Variants in ETV1 observed in about 807,000 individuals in gnomAD.
ETV1 encodes the protein ETS variant transcription factor 1, also known as ETS translocation variant 1.
Under a neutral mutation model 62.3 loss-of-function variants are expected in ETV1, and 27 were observed. That is an observed-to-expected ratio of 0.43 (90% confidence interval 0.32 to 0.60). The LOEUF is 0.60. Ranked by LOEUF, ETV1 falls within the 20% of genes least tolerant of loss-of-function variation. The pLI, the probability that ETV1 is intolerant of heterozygous loss-of-function variation, is 0.06. For missense variants in ETV1, 605 were observed against 605.8 expected, an observed-to-expected ratio of 1.00 and a Z score of 0.01; for synonymous variants, 222 against 199.6, an observed-to-expected ratio of 1.11 and a Z score of -0.94.
chr7:13,904,732 A>G (rs530884245), intron 12 of ETV1, among the ~76,000 whole-genome samples: 16 of 152,000 alleles, frequency 1.1e-4, no homozygotes, highest in African/African-American at 3.9e-4. Context: ...CAACTCTTGC[A>G]GTGATTATTA....
intron 6 of ETV1, among the ~76,000 whole-genome samples, chr7:13,946,377 G>T (rs1221792714): frequency 6.6e-6 from 1 of 152,126 alleles, no homozygotes; most frequent in South Asian, 2.1e-4. Context: ...GCTGACTAAT[G>T]ATCACTTGAG....
In ETV1 at chr7:13,931,599, C is replaced by T; in HGVS notation, c.705G>A (p.Val235=). ...TGCCAACCATGGTGTTGTGTTCATA[C>T]ACTGGGTCGTGGTACTCCTGCTTAA... The part of the protein sequence containing the change: ...QGFKQEYHDP[V]YEHNTMVGSA... The change falls in exon 9 of 14, where the codon GTG becomes GTA. Residue 235 remains valine, a synonymous_variant. Coordinates refer to ENST00000430479, the MANE Select transcript of ETV1 (RefSeq NM_004956.5). 3 of 1,614,070 alleles carry T rather than the reference C, an allele frequency of 1.9e-6. No homozygotes were observed. The highest frequency in any genetic ancestry group is 2.5e-6 in the Non-Finnish European group (3 of 1,179,906).
chr7:13,982,667 G>C lies in ETV1; in HGVS notation c.181+3971C>G, dbSNP rs75970945. On this transcript the variant is annotated intron_variant, in intron 5 of 13. Coordinates refer to ENST00000430479, the MANE Select transcript of ETV1 (RefSeq NM_004956.5). ...AAATTATTGTTGTTCAATTATAAGA[G>C]ATTATATGGAGTTCTGTAATTCAAT... Among the ~76,000 whole-genome samples, 560 of 152,042 alleles carry C rather than the reference G, an allele frequency of 3.7e-3. 2 individuals carry two copies. The highest frequency in any genetic ancestry group is 0.012 in the African/African-American group (514 of 41,524).
intron 12 of ETV1, among the ~76,000 whole-genome samples, chr7:13,902,197 A>C (rs892422497): frequency 6.6e-6 from 1 of 152,128 alleles, no homozygotes; most frequent in African/African-American, 2.4e-5. Context: ...TATGTCATAT[A>C]TACTAAAATA....
Position 13,939,237 on chromosome 7 carries a change from T to C in ETV1, c.245A>G (p.His82Arg). 1 of 1,603,350 alleles carries C rather than the reference T, an allele frequency of 6.2e-7. No homozygotes were observed. Among genetic ancestry groups the C allele is most frequent in the Non-Finnish European group, 8.5e-7 (1 of 1,177,580 alleles). The stretch of plus-strand genomic sequence containing the variant: ...TTTCTTGATTTTCAGTGGCAGGCCA[T>C]GAAAAGCCACTAGAAAAAAGAACAA... Reference protein sequence around the residue: ...PDYQAESLAFHGLPLKIKKEP... With the variant: ...PDYQAESLAFRGLPLKIKKEP... Residue 82 changes from histidine (H) to arginine (R), a missense_variant, in exon 7 of 14, where the codon CAT becomes CGT. His to Arg is a conservative substitution (Grantham distance 29). Coordinates refer to ENST00000430479, the MANE Select transcript of ETV1 (RefSeq NM_004956.5).
intron 6 of ETV1, among the ~76,000 whole-genome samples, chr7:13,973,628 A>G (rs1781116982): frequency 6.6e-6 from 1 of 151,538 alleles, no homozygotes; most frequent in South Asian, 2.1e-4. Flanking sequence ...AAAACCTGAA[A>G]TAACATATCC....
chr7:13,906,422 A>G lies in ETV1; in HGVS notation c.1110+8T>C. The G allele has an allele frequency of 6.4e-7, 1 of 1,559,028 alleles. No individual in the cohort carries two copies. Among genetic ancestry groups the G allele is most frequent in the Non-Finnish European group, 8.7e-7 (1 of 1,154,960 alleles). ...CTGAGTGTCCTAATTAAAATCTATT[A>G]AACTAACCTCTTCAGGCTCAATCAG... On this transcript the variant is annotated splice_region_variant and intron_variant, in intron 12 of 13. Transcript: ENST00000430479.
In ETV1 at chr7:13,894,216, T is replaced by C. The variant is rs1168352301; in HGVS notation, c.*1650A>G. On this transcript the variant is annotated 3_prime_UTR_variant, in exon 14 of 14. Coordinates refer to ENST00000430479, the MANE Select transcript of ETV1 (RefSeq NM_004956.5). ...AAAAAAGTTGTTCTTCTGGATATTATTGATAGATGGAACAAAATTCATGTC... is the reference window on the plus strand; with the variant it reads ...AAAAAAGTTGTTCTTCTGGATATTACTGATAGATGGAACAAAATTCATGTC... The C allele has an allele frequency of 3.4e-5, 8 of 232,682 alleles. No individual in the cohort carries two copies. The highest frequency in any genetic ancestry group is 1.8e-4 in the South Asian group (1 of 5,518). 14.4% of individuals were successfully genotyped at this position (232,682 alleles called of 1,614,324 possible).
At chr7:13,977,039 A>G (rs11766860) in intron 6 of ETV1, among the ~76,000 whole-genome samples, 9,771 of 152,174 alleles carry the variant, frequency 0.064, 507 homozygotes, top group East Asian at 0.16. Flanking sequence ...GTAGTTTTTA[A>G]CTCTACCTCC....
Position 13,909,656 on chromosome 7 carries a change from A to C in ETV1, c.916T>G (p.Cys306Gly). ...CCATCGAATTTTTCTGGGACAACACAGGTGTCATCATAAAACTGCCTGGGG... is the reference window on the plus strand; with the variant it reads ...CCATCGAATTTTTCTGGGACAACACCGGTGTCATCATAAAACTGCCTGGGG... ...KGPRQFYDDT[C>G]VVPEKFDGDI... The change falls in exon 11 of 14, where the codon TGT becomes GGT. Residue 306 changes from cysteine (C) to glycine (G), a missense_variant. By Grantham distance (159) the Cys-to-Gly change is radical. This residue lies in a region of ETV1 where 100 missense variants were observed against 156.4 expected (regional missense o/e 0.64). Coordinates refer to ENST00000430479, the MANE Select transcript of ETV1 (RefSeq NM_004956.5). The C allele has an allele frequency of 6.2e-7, 1 of 1,613,500 alleles. No individual in the cohort carries two copies. The highest frequency in any genetic ancestry group is 8.5e-7 in the Non-Finnish European group (1 of 1,179,496).
At chr7:13,933,706 C>T (rs1786459190) in intron 8 of ETV1, among the ~76,000 whole-genome samples, 1 of 152,186 alleles carries the variant, frequency 6.6e-6, no homozygotes, top group Non-Finnish European at 1.5e-5. Context: ...CTAAGAAATC[C>T]TCCTCAGAAA....
Position 13,891,944 on chromosome 7 carries a change from C to G in ETV1, c.*3922G>C. On this transcript the variant is annotated 3_prime_UTR_variant, in exon 14 of 14. Transcript: ENST00000430479. ...GACCTTCTCCTCTGTAATGTTTTCTCATTACAAGCTCTGAAAAGGCTGCAT... is the reference window on the plus strand; with the variant it reads ...GACCTTCTCCTCTGTAATGTTTTCTGATTACAAGCTCTGAAAAGGCTGCAT... 1 of 231,852 alleles carries G rather than the reference C, an allele frequency of 4.3e-6. No individual in the cohort carries two copies. The allele number at this position is 231,852 out of a possible 1,614,324, so 14.4% of individuals were successfully genotyped here.
chr7:13,937,597 G>A (rs1298291193), intron 7 of ETV1, among the ~76,000 whole-genome samples: 1 of 152,180 alleles, frequency 6.6e-6, no homozygotes, highest in Non-Finnish European at 1.5e-5. Flanking sequence ...AATGCTGAAA[G>A]GCAATGACAA....
At chr7:13,917,833 G>A (rs141021374) in intron 9 of ETV1, among the ~76,000 whole-genome samples, 7,875 of 151,742 alleles carry the variant, frequency 0.052, 227 homozygotes, top group South Asian at 0.11. Flanking sequence ...GCGTGGTGGC[G>A]GGCACCAGTA....
intron 13 of ETV1, among the ~76,000 whole-genome samples, chr7:13,898,457 T>C (rs752263967): frequency 3.3e-5 from 5 of 152,154 alleles, no homozygotes; most frequent in East Asian, 1.9e-4. Flanking sequence ...CATTAACATA[T>C]TGGTATATAT....
chr7:13,947,392 C>CA (rs11352949), intron 6 of ETV1, among the ~76,000 whole-genome samples: 32,449 of 86,248 alleles, frequency 0.38, 5,107 homozygotes, highest in East Asian at 0.47. Flanking sequence ...ACTAACTATA[C>CA]AAAAAAAAAA....
chr7:13,986,330 A>C (rs1782547462), intron 5 of ETV1: 3 of 1,491,304 alleles, frequency 2.0e-6, no homozygotes, highest in Non-Finnish European at 1.8e-6. Flanking sequence ...TATAAACCTG[A>C]TCAATTGCAA....
At chr7:13,939,036 T>G in intron 7 of ETV1, 81 bp downstream of exon 7, 7 of 1,378,772 alleles carry the variant, frequency 5.1e-6, no homozygotes, top group Non-Finnish European at 7.0e-6. Context: ...TCATAAAATA[T>G]GACTTGAGAT....
chr7:13,929,681 A>G (rs973927847), intron 9 of ETV1, among the ~76,000 whole-genome samples: 1 of 152,208 alleles, frequency 6.6e-6, no homozygotes, highest in Non-Finnish European at 1.5e-5. Flanking sequence ...CTGGTTTCAG[A>G]AAACAGGGCC....
Sources: allele counts gnomAD v4.1 joint callset (sites outside exome capture counted in the v4.1 genomes callset), GRCh38; gene constraint gnomAD v4.1.1; regional missense constraint gnomAD v4.1.1; transcripts MANE v1.5; gene names NCBI Gene and HGNC (gene_info 2026-07-23, HGNC 2026-07-21).